The following MEI1 variants were observed in gnomAD, a reference collection of about 807,000 sequenced individuals.
MEI1 encodes the protein meiosis inhibitor protein 1.
Under a neutral mutation model 146.2 loss-of-function variants are expected in MEI1, and 103 were observed. The observed-to-expected ratio is 0.70, with a 90% CI of 0.60 to 0.83. The LOEUF (loss-of-function observed/expected upper bound fraction) is 0.83, where lower values mean the gene tolerates loss of function less well. MEI1 is among the 40% of genes least tolerant of loss of function. MEI1 has a pLI of 0.00. For synonymous variants in MEI1, 652 were observed against 628.2 expected (o/e 1.04, Z -0.57); for missense variants, 1,529 against 1,533.0 (o/e 1.00, Z 0.04).
intron 18 of MEI1, among the ~76,000 whole-genome samples, chr22:41,760,039 G>A (rs955331459): frequency 6.6e-6 from 1 of 152,240 alleles, no homozygotes; most frequent in Non-Finnish European, 1.5e-5. Flanking sequence ...GCCGGGTGCA[G>A]TGGCTCACTC....
At chr22:41,767,976 A>G (rs956432148) in intron 19 of MEI1, among the ~76,000 whole-genome samples, 6 of 152,192 alleles carry the variant, frequency 3.9e-5, no homozygotes, top group African/African-American at 1.4e-4. Context: ...AAGATGCCCA[A>G]TCTATCCATT....
At chr22:41,769,673 T>C (rs917690718) in intron 19 of MEI1, among the ~76,000 whole-genome samples, 2 of 151,298 alleles carry the variant, frequency 1.3e-5, no homozygotes, top group African/African-American at 4.9e-5. Flanking sequence ...AGTTTCTCCA[T>C]GTTGGCCAGG....
At chr22:41,769,964 G>A (rs1275245595) in intron 19 of MEI1, among the ~76,000 whole-genome samples, 3 of 150,966 alleles carry the variant, frequency 2.0e-5, no homozygotes, top group African/African-American at 4.9e-5. Context: ...GAGGAACTCC[G>A]TCTCTACTAA....
At chr22:41,747,640 G>A (rs1374055370) in intron 14 of MEI1, among the ~76,000 whole-genome samples, 3 of 151,734 alleles carry the variant, frequency 2.0e-5, no homozygotes, top group Non-Finnish European at 4.4e-5. Flanking sequence ...AGAGGCAGAG[G>A]TTTCAATGAG....
chr22:41,734,382 C>T (rs1237423316), intron 11 of MEI1, among the ~76,000 whole-genome samples: 2 of 152,054 alleles, frequency 1.3e-5, no homozygotes, highest in Non-Finnish European at 2.9e-5. Context: ...TACCTGAAGT[C>T]AGGAGTTCAA....
At chr22:41,707,636 G>A (rs986526004) in intron 3 of MEI1, among the ~76,000 whole-genome samples, 4 of 151,850 alleles carry the variant, frequency 2.6e-5, no homozygotes, top group Admixed American at 2.0e-4. Context: ...TAGCAAGACT[G>A]TCTCTTAAAA....
rs199530721 is a variant in MEI1 at position 41,718,191 on chromosome 22, G to A, written c.650G>A (p.Gly217Glu). 1.9e-4 allele frequency: 300 copies of A among 1,613,848 alleles called. No individual in the cohort carries two copies. The highest frequency in any genetic ancestry group is 2.5e-4 in the Non-Finnish European group (292 of 1,179,904). Residue 217 changes from glycine to glutamate, a missense_variant, in exon 6 of 31, where the codon GGA becomes GAA. Physicochemically the swap from Gly to Glu is moderately conservative, Grantham distance 98 (BLOSUM62 -2). This residue lies in a region of MEI1 where 1,212 missense variants were observed against 1,178.9 expected (regional missense o/e 1.03). Transcript: ENST00000401548. ...SSPVAAEMLS[G>E]HFREKLFPLF... ...CCAGTGGCAGCTGAGATGCTTTCAG[G>A]ACACTTCCGTGAGAAGCTTTTTCCC...
intron 1 of MEI1, among the ~76,000 whole-genome samples, chr22:41,700,578 G>A (rs527343510): frequency 1.7e-4 from 14 of 81,054 alleles, no homozygotes; most frequent in African/African-American, 4.0e-4. Context: ...TGATCCACCC[G>A]CCTCGGCTTC....
chr22:41,787,939 C>G (rs1225251178), intron 26 of MEI1, among the ~76,000 whole-genome samples: 1 of 152,230 alleles, frequency 6.6e-6, no homozygotes, highest in Admixed American at 6.5e-5. Flanking sequence ...CAATGAGCAT[C>G]TGCTTTGAGC....
chr22:41,726,443 C>A (rs1325938908), intron 7 of MEI1, among the ~76,000 whole-genome samples: 5 of 151,962 alleles, frequency 3.3e-5, no homozygotes, highest in Non-Finnish European at 7.4e-5. Flanking sequence ...ACTTAAACAA[C>A]AACAGGGAAA....
intron 21 of MEI1, among the ~76,000 whole-genome samples, chr22:41,777,184 C>CGG (rs2075487528): frequency 6.9e-6 from 1 of 145,334 alleles, no homozygotes; most frequent in Non-Finnish European, 1.5e-5. Flanking sequence ...GAGAGAGGGT[C>CGG]TCACTCTGTC....
chr22:41,788,543 C>T (rs191292389), intron 26 of MEI1, among the ~76,000 whole-genome samples: 3 of 151,968 alleles, frequency 2.0e-5, no homozygotes, highest in Non-Finnish European at 2.9e-5. Flanking sequence ...TGGGTTTAAG[C>T]GATTCTTCTG....
rs748783024 is a variant in MEI1, at chr22:41,718,168, A to G, written c.627A>G (p.Pro209=). 8 of 1,613,964 alleles carry G rather than the reference A, an allele frequency of 5.0e-6. No individual in the cohort carries two copies. The highest frequency in any genetic ancestry group is 6.8e-6 in the Non-Finnish European group (8 of 1,179,876). Residue 209 remains proline, a synonymous_variant, in exon 6 of 31, where the codon CCA becomes CCG. Transcript: ENST00000401548. Reference sequence around the variant, plus strand: ...TTTATGGGAAGCTATACTCCTCACCAGTGGCAGCTGAGATGCTTTCAGGAC... The same window carrying G: ...TTTATGGGAAGCTATACTCCTCACCGGTGGCAGCTGAGATGCTTTCAGGAC... ...CYLYGKLYSS[P]VAAEMLSGHF... is the part of the protein sequence containing the mutation.
At chr22:41,717,490 A>T (rs1383495468) in intron 5 of MEI1, among the ~76,000 whole-genome samples, 1 of 151,856 alleles carries the variant, frequency 6.6e-6, no homozygotes, top group Non-Finnish European at 1.5e-5. Flanking sequence ...TAGAGACCAG[A>T]TCTCACTATG....
chr22:41,772,681 G>A (rs1395507544), intron 20 of MEI1, among the ~76,000 whole-genome samples: 1 of 152,098 alleles, frequency 6.6e-6, no homozygotes, highest in Non-Finnish European at 1.5e-5. Flanking sequence ...GGTCACAAGA[G>A]TTGGAAATCA....
At position 41,699,530 on chromosome 22, in the gene MEI1, A is replaced by G. The variant is rs900204147; in HGVS notation, c.-9A>G. 2.5e-6 allele frequency: 4 copies of G among 1,605,412 alleles called. No individual in the cohort carries two copies. Among genetic ancestry groups the G allele is most frequent in the South Asian group, 1.1e-5 (1 of 90,438 alleles). On this transcript the variant is annotated 5_prime_UTR_variant, in exon 1 of 31. Transcript: ENST00000401548. ...AAGAGTGCCGCCTCAGCTGAGGGCA[A>G]GCGAGGAGATGGCTGTGAGGCAGGC...
At chr22:41,765,061 A>G (rs992758950) in intron 19 of MEI1, among the ~76,000 whole-genome samples, 1 of 152,130 alleles carries the variant, frequency 6.6e-6, no homozygotes, top group African/African-American at 2.4e-5. Flanking sequence ...CTGGAGTGCA[A>G]TGGCGCCATC....
In MEI1 at chr22:41,714,041, C is replaced by G; in HGVS notation, c.389C>G (p.Thr130Ser). The change falls in exon 4 of 31, where the codon ACT (threonine) becomes AGT (serine). Residue 130 changes from threonine (T) to serine (S), a missense_variant. Transcript: ENST00000401548. ...ACAACGCAGCTGAAGCTGGAGCAGA[C>G]TATCCGTTGCCTGCTGGATGAGTGC... The part of the protein sequence containing the change: ...QITTQLKLEQ[T>S]IRCLLDECHK... 1 of 1,600,622 alleles carries G rather than the reference C, an allele frequency of 6.2e-7. No homozygotes were observed. Among genetic ancestry groups the G allele is most frequent in the Non-Finnish European group, 8.5e-7 (1 of 1,173,556 alleles).
In MEI1 at chr22:41,776,303, G is replaced by A. The variant is rs562362307; in HGVS notation, c.2710+36G>A. 6.8e-6 allele frequency: 11 copies of A among 1,609,552 alleles called. No individual in the cohort carries two copies. The African/African-American group carries it at 8.0e-5, about 12-fold the overall frequency. On this transcript the variant is annotated intron_variant, in intron 21 of 30. Coordinates refer to ENST00000401548, the MANE Select transcript of MEI1 (RefSeq NM_152513.4). ...AGGTGCTGTGGGCACACTTTGACCTGAAAGCCAGTCGAGAATGGGCATCTC... is the reference window on the plus strand; with the variant it reads ...AGGTGCTGTGGGCACACTTTGACCTAAAAGCCAGTCGAGAATGGGCATCTC...
Sources: gnomAD v4.1 joint callset for allele counts (sites outside exome capture counted in the v4.1 genomes callset) on GRCh38, gnomAD v4.1.1 for gene constraint, gnomAD v4.1.1 regional missense constraint, MANE v1.5 for transcripts, NCBI Gene and HGNC (gene_info 2026-07-23, HGNC 2026-07-21) for gene names.